The following PCDHA3 variants were observed in gnomAD, a reference collection of about 807,000 sequenced individuals.
PCDHA3 encodes the protein protocadherin alpha-3.
A neutral mutation model predicts 62.2 loss-of-function variants in PCDHA3; 41 were observed. The ratio of observed to expected loss-of-function variants is 0.66; its 90% CI spans 0.51 to 0.86. The LOEUF (loss-of-function observed/expected upper bound fraction) is 0.86. Among genes scored for constraint, PCDHA3 ranks in the 40% least tolerant of loss-of-function variants. PCDHA3 has a pLI of 0.00. For missense variants in PCDHA3, 1,304 were observed against 1,241.2 expected, an observed-to-expected ratio of 1.05 and a Z score of -0.76; for synonymous variants, 640 against 555.4, an observed-to-expected ratio of 1.15 and a Z score of -2.14.
At chr5:140,928,208 A>AT (rs1436614514) in intron 1 of PCDHA3, 2 of 1,614,110 alleles carry the variant, frequency 1.2e-6, no homozygotes, top group Non-Finnish European at 1.7e-6. Flanking sequence ...GCTGATGTGA[A>AT]TGACAATACA....
intron 1 of PCDHA3, among the ~76,000 whole-genome samples, chr5:140,931,907 G>T (rs573618162): frequency 6.6e-6 from 1 of 151,782 alleles, no homozygotes; most frequent in Non-Finnish European, 1.5e-5. Flanking sequence ...CATTTGAAAA[G>T]CATGACATTT....
At chr5:140,924,907 A>AT (rs1242980267) in intron 1 of PCDHA3, among the ~76,000 whole-genome samples, 3,369 of 50,932 alleles carry the variant, frequency 0.066, 44 homozygotes, top group African/African-American at 0.099. Context: ...AAAAAAAAAT[A>AT]AAATAAAATA....
rs782520879 is a variant in PCDHA3, at chr5:141,009,808, T to A, written c.2724T>A (p.Ile908=). Residue 908 remains isoleucine (I), a synonymous_variant, in exon 4 of 4, where the codon ATT becomes ATA. Transcript: ENST00000522353. ...GGCAGGAGCCTACTAACAGCCAAAT[T>A]GACAAAAGTGACTTCATAACCTTCG... The part of the protein sequence containing the change: ...SIRQEPTNSQ[I]DKSDFITFGK... The A allele has an allele frequency of 1.2e-6, 2 of 1,613,832 alleles. No homozygotes were observed. The highest frequency in any genetic ancestry group is 2.2e-5 in the South Asian group (2 of 91,042).
chr5:140,801,268 C>T lies in PCDHA3; in HGVS notation c.71C>T (p.Ser24Leu). 1 of 1,613,724 alleles carries T rather than the reference C, an allele frequency of 6.2e-7. No homozygotes were observed. ...CTTTCTCTTCTGCTCCTCGCAGCCT[C>T]GGAGGTGGGGAGCGGCCAGCTCCAC... ...LLLSLLLLAA[S>L]EVGSGQLHYS... Residue 24 changes from serine to leucine, a missense_variant, in exon 1 of 4, where the codon TCG becomes TTG. Physicochemically the swap from Ser to Leu is moderately radical, Grantham distance 145. Transcript: ENST00000522353.
intron 1 of PCDHA3, chr5:140,928,899 T>C (rs2085633672): frequency 2.5e-6 from 4 of 1,614,088 alleles, no homozygotes; most frequent in South Asian, 1.1e-5. Flanking sequence ...ACTTTGAAGA[T>C]GTCTGGGAAC....
intron 1 of PCDHA3, among the ~76,000 whole-genome samples, chr5:140,906,949 A>G (rs1349850915): frequency 1.3e-5 from 2 of 152,144 alleles, no homozygotes; most frequent in Non-Finnish European, 2.9e-5. Flanking sequence ...CTTAATTTCC[A>G]GTTTAATGGA....
intron 3 of PCDHA3, among the ~76,000 whole-genome samples, chr5:140,996,041 C>T (rs2097709262): frequency 6.6e-6 from 1 of 152,224 alleles, no homozygotes; most frequent in African/African-American, 2.4e-5. Context: ...TAGCACTTAA[C>T]ACAGTGCTTG....
chr5:141,005,691 A>G (rs1481537036), intron 3 of PCDHA3, among the ~76,000 whole-genome samples: 1 of 134,408 alleles, frequency 7.4e-6, no homozygotes, highest in Non-Finnish European at 1.6e-5. Flanking sequence ...GACAGAGCGA[A>G]ACTCCGTCTC....
Position 140,835,448 on chromosome 5 carries a change from G to T in PCDHA3, c.2394+31857G>T, listed in dbSNP as rs2150235921. On this transcript the variant is annotated intron_variant, in intron 1 of 3. Transcript: ENST00000522353. The stretch of plus-strand genomic sequence containing the variant: ...CTCCACAGTTGACTCTCACTTCCCT[G>T]TCTCTCCCTATTCCAGAGGACGCCC... 11 of 1,613,768 alleles carry T rather than the reference G, an allele frequency of 6.8e-6. No homozygotes were observed. The South Asian group carries it at 1.2e-4, about 18-fold the overall frequency.
Position 140,861,540 on chromosome 5 carries a change from C to T in PCDHA3, c.2394+57949C>T, listed in dbSNP as rs78647999. On this transcript the variant is annotated intron_variant, in intron 1 of 3. Coordinates refer to ENST00000522353, the MANE Select transcript of PCDHA3 (RefSeq NM_018906.3). ...TGGGAGGATCTCGGAGTGCAGCATC[C>T]ACCTGGAAGTGATCGTGGACAAGCT... is the stretch of plus-strand genomic sequence containing the variant. 502 of 425,826 alleles carry T rather than the reference C, an allele frequency of 1.2e-3. 2 individuals are homozygous for T. The highest frequency in any genetic ancestry group is 9.5e-3 in the African/African-American group (465 of 48,884). 26.4% of individuals were successfully genotyped at this position (425,826 alleles called of 1,614,324 possible).
intron 1 of PCDHA3, among the ~76,000 whole-genome samples, chr5:140,899,821 C>G (rs1286169760): frequency 1.3e-5 from 2 of 151,902 alleles, no homozygotes; most frequent in African/African-American, 4.8e-5. Flanking sequence ...TTTGTTTTTC[C>G]TTTTTGAGAC....
At chr5:140,834,569 C>A in intron 1 of PCDHA3, 1 of 1,614,088 alleles carries the variant, frequency 6.2e-7, no homozygotes, top group South Asian at 1.1e-5. Flanking sequence ...TGGTGCCGCG[C>A]CTGTTCCGGG....
chr5:140,877,089 C>T (rs782771217), intron 1 of PCDHA3: 4 of 1,613,082 alleles, frequency 2.5e-6, no homozygotes, highest in African/African-American at 1.3e-5. Flanking sequence ...GCGCGCGCGA[C>T]GCCGGCGTGC....
chr5:140,822,962 T>C, intron 1 of PCDHA3: 1 of 1,614,240 alleles, frequency 6.2e-7, no homozygotes, highest in East Asian at 2.2e-5. Flanking sequence ...CCCTTCAAGC[T>C]GGTGTCCACC....
At chr5:141,004,445 T>C (rs2098166676) in intron 3 of PCDHA3, among the ~76,000 whole-genome samples, 1 of 152,206 alleles carries the variant, frequency 6.6e-6, no homozygotes. Flanking sequence ...CTGAGTCATA[T>C]AGAACCAGGA....
At chr5:140,857,375 G>A (rs1554149916) in intron 1 of PCDHA3, 2 of 1,598,360 alleles carry the variant, frequency 1.3e-6, no homozygotes, top group Non-Finnish European at 1.7e-6. Context: ...CGTGTCTGTG[G>A]AGGTGGCCGA....
intron 1 of PCDHA3, among the ~76,000 whole-genome samples, chr5:140,831,441 C>T (rs2150194454): frequency 8.6e-5 from 13 of 151,182 alleles, no homozygotes; most frequent in Non-Finnish European, 1.8e-4. Flanking sequence ...CTCACTGCAC[C>T]CTCGAATGCC....
At chr5:140,955,157 T>A (rs1554221797) in intron 1 of PCDHA3, among the ~76,000 whole-genome samples, 1 of 152,198 alleles carries the variant, frequency 6.6e-6, no homozygotes, top group Non-Finnish European at 1.5e-5. Context: ...ACCAGTACCG[T>A]GCTGTTTTGG....
At chr5:140,931,260 T>G (rs576177407) in intron 1 of PCDHA3, among the ~76,000 whole-genome samples, 1 of 152,156 alleles carries the variant, frequency 6.6e-6, no homozygotes, top group South Asian at 2.1e-4. Context: ...GAAATTTCAC[T>G]ATTTATTTCT....
Sources: allele counts gnomAD v4.1 joint callset (sites outside exome capture counted in the v4.1 genomes callset), GRCh38; gene constraint gnomAD v4.1.1; transcripts MANE v1.5; gene names NCBI Gene and HGNC (gene_info 2026-07-23, HGNC 2026-07-21).